UNC79: variants seen among roughly 807,000 people sequenced by gnomAD.
UNC79 encodes the protein protein unc-79 homolog.
Under a neutral mutation model 283.1 loss-of-function variants are expected in UNC79, and 37 were observed. That is an observed-to-expected ratio of 0.13 (90% CI 0.10 to 0.17). The LOEUF (loss-of-function observed/expected upper bound fraction) is 0.17. UNC79 is among the 10% of genes least tolerant of loss of function. The probability of loss-of-function intolerance (pLI) is 1.00; values close to 1 mark genes in which losing one functional copy is unlikely to be tolerated. For missense variants in UNC79, 2,272 were observed against 3,211.1 expected (o/e 0.71, Z 7.07); for synonymous variants, 1,107 against 1,200.2 (o/e 0.92, Z 1.61).
Position 93,547,393 on chromosome 14 carries a change from C to T in UNC79, c.1755+4697C>T, listed in dbSNP as rs114989989. ...GAACAAATCCTTTGAGATTTTCAAG[C>T]GTCCCTCTGGGAAATTTCAGGTCAG... On this transcript the variant is annotated intron_variant, in intron 14 of 48. Coordinates refer to ENST00000555664, the Ensembl canonical transcript of UNC79. Among the ~76,000 whole-genome samples, 459 of 73,610 alleles carry T rather than the reference C, an allele frequency of 6.2e-3. 1 individual carries two copies. Among genetic ancestry groups the T allele is most frequent in the African/African-American group, 0.02 (438 of 21,426 alleles). 48.3% of individuals were successfully genotyped at this position (73,610 alleles called of 152,430 possible). A position where few individuals can be genotyped will look rare whatever the true frequency, so the allele number is the denominator to read the frequency against.
At chr14:93,347,423 G>A in intron 1 of UNC79, 1 of 1,461,814 alleles carries the variant, frequency 6.8e-7, no homozygotes, top group Non-Finnish European at 9.0e-7. Context: ...ATCATGGTGG[G>A]CGGGAAGCGC....
At chr14:93,528,128 C>T (rs1381416676) in intron 8 of UNC79, among the ~76,000 whole-genome samples, 3 of 152,188 alleles carry the variant, frequency 2.0e-5, no homozygotes, top group Non-Finnish European at 2.9e-5. Context: ...CTACCACTAG[C>T]ACTTTGGTAT....
intron 1 of UNC79, among the ~76,000 whole-genome samples, chr14:93,445,969 G>A (rs80334229): frequency 5.3e-5 from 8 of 151,856 alleles, no homozygotes; most frequent in Non-Finnish European, 1.0e-4. Context: ...AGAATTTGTT[G>A]CTATGTTCCT....
intron 1 of UNC79, among the ~76,000 whole-genome samples, chr14:93,400,185 G>A (rs1293921816): frequency 1.3e-5 from 2 of 152,094 alleles, no homozygotes; most frequent in African/African-American, 4.8e-5. Flanking sequence ...CTTTAGCGGG[G>A]GCTGTTTTGG....
At chr14:93,599,506 C>CT (rs976000531) in intron 24 of UNC79, among the ~76,000 whole-genome samples, 1 of 151,964 alleles carries the variant, frequency 6.6e-6, no homozygotes. Context: ...GTGGCACATT[C>CT]TTTTTTTTGT....
chr14:93,679,049 G>A (rs995383112), intron 41 of UNC79, among the ~76,000 whole-genome samples: 1 of 152,078 alleles, frequency 6.6e-6, no homozygotes, highest in Non-Finnish European at 1.5e-5. Flanking sequence ...ATGTGTAATA[G>A]GTTATTATAA....
chr14:93,477,707 T>C, exon 4 of UNC79: 1 of 1,612,868 alleles, frequency 6.2e-7, no homozygotes, highest in Non-Finnish European at 8.5e-7. Flanking sequence ...TCTTAGCACA[T>C]CTTTTCTACC....
At chr14:93,479,586 C>T (rs1244757728) in intron 4 of UNC79, among the ~76,000 whole-genome samples, 1 of 152,054 alleles carries the variant, frequency 6.6e-6, no homozygotes, top group Non-Finnish European at 1.5e-5. Flanking sequence ...GCGTGAGCCA[C>T]TGCACCTGGC....
At chr14:93,608,409 C>T (rs1317978866) in intron 26 of UNC79, among the ~76,000 whole-genome samples, 2 of 152,038 alleles carry the variant, frequency 1.3e-5, no homozygotes, top group Non-Finnish European at 2.9e-5. Flanking sequence ...TTCAGCCAGG[C>T]TTGATTGGTG....
intron 1 of UNC79, among the ~76,000 whole-genome samples, chr14:93,455,417 C>A (rs1045786834): frequency 6.6e-6 from 1 of 152,132 alleles, no homozygotes; most frequent in Non-Finnish European, 1.5e-5. Flanking sequence ...CAAGATAAGT[C>A]TCTGAATATA....
At chr14:93,706,125 C>T (rs779414937) in intron 48 of UNC79, among the ~76,000 whole-genome samples, 93 of 152,270 alleles carry the variant, frequency 6.1e-4, no homozygotes, top group Admixed American at 1.6e-3. Context: ...AGGAGCAGGC[C>T]GACAGAACTC....
At chr14:93,449,487 G>A (rs2056565679) in intron 1 of UNC79, among the ~76,000 whole-genome samples, 1 of 152,012 alleles carries the variant, frequency 6.6e-6, no homozygotes, top group Non-Finnish European at 1.5e-5. Context: ...GTGTGATGGT[G>A]CATGCCTTTA....
chr14:93,409,225 A>G (rs921963763), intron 1 of UNC79, among the ~76,000 whole-genome samples: 6 of 152,244 alleles, frequency 3.9e-5, no homozygotes, highest in African/African-American at 7.2e-5. Context: ...GTTGTTAGAT[A>G]TAAGATCAAC....
Position 93,399,603 on chromosome 14 carries a change from A to C in UNC79, c.-351+66080A>C, listed in dbSNP as rs1423340917. On this transcript the variant is annotated intron_variant, in intron 1 of 49. Transcript: ENST00000256339. ...ATATGTGCCAGGCACTGTGCCAAGCACTTTATATGTGGATTTCATTTAATC... is the reference window on the plus strand; with the variant it reads ...ATATGTGCCAGGCACTGTGCCAAGCCCTTTATATGTGGATTTCATTTAATC... Among the ~76,000 whole-genome samples, 3 of 152,144 alleles carry C rather than the reference A, an allele frequency of 2.0e-5. No homozygotes were observed. The East Asian group carries it at 5.8e-4, about 29-fold the overall frequency.
chr14:93,471,524 T>C (rs890830679), intron 2 of UNC79, among the ~76,000 whole-genome samples: 2 of 152,006 alleles, frequency 1.3e-5, no homozygotes, highest in Middle Eastern at 3.4e-3. Flanking sequence ...GAATTTCAGG[T>C]GGGGAAAATG....
intron 1 of UNC79, among the ~76,000 whole-genome samples, chr14:93,336,691 AT>A (rs1380782200): frequency 3.3e-5 from 5 of 152,234 alleles, no homozygotes; most frequent in Non-Finnish European, 7.3e-5. Flanking sequence ...GTTTTAGAAA[AT>A]AATATTGGAA....
rs1201239690 is a variant in UNC79, at chr14:93,622,058, G to A, written c.4825G>A (p.Asp1609Asn). The stretch of plus-strand genomic sequence containing the variant: ...TCCTAAAGAGGATTTAGATCTGATA[G>A]ATCTATCCTCAGATTCAACCTCGGG... The change falls in exon 30 of 49, where the codon GAT (aspartate) becomes AAT (asparagine). Residue 1609 changes from aspartate (D) to asparagine (N), a missense_variant. Asp to Asn is a conservative substitution (Grantham distance 23). Coordinates refer to ENST00000555664, the Ensembl canonical transcript of UNC79. The A allele has an allele frequency of 2.5e-6, 4 of 1,614,002 alleles. No homozygotes were observed. The African/African-American group carries it at 4.0e-5, about 16-fold the overall frequency.
intron 26 of UNC79, among the ~76,000 whole-genome samples, chr14:93,610,560 A>G (rs572185866): frequency 1.3e-5 from 2 of 151,130 alleles, no homozygotes; most frequent in African/African-American, 4.9e-5. Context: ...GTAAAGTAAT[A>G]CTCTAGTGGA....
chr14:93,615,770 A>G (rs1009069369), intron 27 of UNC79, among the ~76,000 whole-genome samples: 12 of 150,366 alleles, frequency 8.0e-5, no homozygotes, highest in Non-Finnish European at 1.5e-4. Flanking sequence ...AAGAAAAGAA[A>G]AAAAGAAATA....
Sources: gnomAD v4.1 joint callset for allele counts (sites outside exome capture counted in the v4.1 genomes callset) on GRCh38, gnomAD v4.1.1 for gene constraint, MANE v1.5 for transcripts, NCBI Gene and HGNC (gene_info 2026-07-23, HGNC 2026-07-21) for gene names.